Variants in GTF2F1 observed in about 807,000 individuals in gnomAD.
The protein encoded by GTF2F1 is general transcription factor IIF 74 kDa subunit.
A neutral mutation model predicts 63.5 loss-of-function variants in GTF2F1; 39 were observed. The observed-to-expected ratio is 0.61, with a 90% CI of 0.48 to 0.80. The LOEUF (loss-of-function observed/expected upper bound fraction) is 0.80. Among genes scored for constraint, GTF2F1 ranks in the 30% least tolerant of loss-of-function variants. GTF2F1 has a pLI of 0.00. For missense variants in GTF2F1, 657 were observed against 718.3 expected (o/e 0.91, Z 0.97); for synonymous variants, 287 against 285.3 (o/e 1.01, Z -0.06).
intron 5 of GTF2F1, chr19:6,387,146 C>T: frequency 2.0e-6 from 1 of 502,696 alleles, no homozygotes; most frequent in Non-Finnish European, 3.6e-6. Flanking sequence ...CCCCACCCTG[C>T]TCTGCCAATT....
At chr19:6,386,075 C>CA (rs1201236002) in intron 5 of GTF2F1, among the ~76,000 whole-genome samples, 6 of 151,252 alleles carry the variant, frequency 4.0e-5, no homozygotes, top group East Asian at 2.0e-4. Flanking sequence ...GATTCGGTCT[C>CA]AAAAAAACAA....
intron 5 of GTF2F1, among the ~76,000 whole-genome samples, chr19:6,384,366 G>C (rs2091966404): frequency 6.6e-6 from 1 of 151,666 alleles, no homozygotes; most frequent in Non-Finnish European, 1.5e-5. Context: ...AAATTAGCCG[G>C]GCGTGGTGGC....
At chr19:6,382,275 G>A (rs1411457267) in intron 6 of GTF2F1, among the ~76,000 whole-genome samples, 1 of 152,128 alleles carries the variant, frequency 6.6e-6, no homozygotes, top group Non-Finnish European at 1.5e-5. Context: ...AGGATGGCTT[G>A]AGCCCAGGAG....
At chr19:6,384,454 G>A (rs1459773138) in intron 5 of GTF2F1, among the ~76,000 whole-genome samples, 5 of 151,522 alleles carry the variant, frequency 3.3e-5, no homozygotes, top group Non-Finnish European at 7.4e-5. Context: ...GTTGCAGTAA[G>A]CTAAGATTGC....
rs1286419192 is a variant in GTF2F1, at chr19:6,381,201, G to T, written c.1019-6C>A. 2 of 1,605,042 alleles carry T rather than the reference G, an allele frequency of 1.2e-6. No individual in the cohort carries two copies. The highest frequency in any genetic ancestry group is 1.7e-6 in the Non-Finnish European group (2 of 1,176,466). On this transcript the variant is annotated splice_polypyrimidine_tract_variant and splice_region_variant and intron_variant, in intron 9 of 12. Transcript: ENST00000394456. This position sits in a 1 kb window ranked among gnomAD's most constrained non-coding sequence, Gnocchi z 4.1. ...GTCCGACTCCTCGCTGCTGTCTGCG[G>T]GGCACAGGAAAGGGGTCAGGGCCAG...
chr19:6,385,310 T>G (rs993731004), intron 5 of GTF2F1, among the ~76,000 whole-genome samples: 12 of 124,812 alleles, frequency 9.6e-5, no homozygotes, highest in Admixed American at 3.5e-4. Context: ...CAGAATCGCT[T>G]AAACCCAGGA....
Position 6,380,311 on chromosome 19 carries a change from G to C in GTF2F1, c.1524C>G (p.Asn508Lys). The C allele has an allele frequency of 1.2e-6, 2 of 1,614,122 alleles. No individual in the cohort carries two copies. Among genetic ancestry groups the C allele is most frequent in the Non-Finnish European group, 1.7e-6 (2 of 1,180,016 alleles). ...CCTTGAGGGAGAAGTGCATTTTGTCGTTGATCATCTTGCGCTCGGGGTTGA... is the reference window on the plus strand; with the variant it reads ...CCTTGAGGGAGAAGTGCATTTTGTCCTTGATCATCTTGCGCTCGGGGTTGA... ...KRLNPERKMI[N>K]DKMHFSLKE is the part of the protein sequence containing the mutation. Residue 508 changes from asparagine (N) to lysine (K), a missense_variant, in exon 13 of 13, where the codon AAC (asparagine) becomes AAG (lysine). Asn to Lys is a moderately conservative substitution (Grantham distance 94). Coordinates refer to ENST00000394456, the MANE Select transcript of GTF2F1 (RefSeq NM_002096.3). This position sits in a 1 kb window ranked among gnomAD's most constrained non-coding sequence, Gnocchi z 5.3.
Position 6,387,372 on chromosome 19 carries a change from C to G in GTF2F1, c.497+17G>C. On this transcript the variant is annotated intron_variant, in intron 5 of 12. Transcript: ENST00000394456. Reference sequence around the variant, plus strand: ...TTTCCCTCACTTCTGTCCCCAGCCACCACCCAGCCCACTCACCTCTCCCAC... The same window carrying G: ...TTTCCCTCACTTCTGTCCCCAGCCAGCACCCAGCCCACTCACCTCTCCCAC... 1 of 1,612,046 alleles carries G rather than the reference C, an allele frequency of 6.2e-7. No homozygotes were observed. Among genetic ancestry groups the G allele is most frequent in the Non-Finnish European group, 8.5e-7 (1 of 1,178,468 alleles).
chr19:6,380,906 T>C lies in GTF2F1; in HGVS notation c.1229A>G (p.Gln410Arg), dbSNP rs772698034. The change falls in exon 11 of 13, where the codon CAA becomes CGA. Residue 410 changes from glutamine (Q) to arginine (R), a missense_variant and splice_region_variant. Coordinates refer to ENST00000394456, the MANE Select transcript of GTF2F1 (RefSeq NM_002096.3). This position sits in a 1 kb window ranked among gnomAD's most constrained non-coding sequence, Gnocchi z 5.3. ...GCGGGGAGGCCACGGGCACTCACCTTGCTCGAGTTTGCTGGCAGCCGCCCG... is the reference window on the plus strand; with the variant it reads ...GCGGGGAGGCCACGGGCACTCACCTCGCTCGAGTTTGCTGGCAGCCGCCCG... ...TLRAAASKLE[Q>R]GKRVSEMPAA... 2 of 1,558,198 alleles carry C rather than the reference T, an allele frequency of 1.3e-6. No individual in the cohort carries two copies. Among genetic ancestry groups the C allele is most frequent in the South Asian group, 1.2e-5 (1 of 84,970 alleles).
At position 6,381,395 on chromosome 19, in the gene GTF2F1, T is replaced by C. The variant is rs1599209159; in HGVS notation, c.982A>G (p.Lys328Glu). 2 of 1,610,666 alleles carry C rather than the reference T, an allele frequency of 1.2e-6. No homozygotes were observed. Among genetic ancestry groups the C allele is most frequent in the South Asian group, 1.1e-5 (1 of 90,958 alleles). ...EEDKEEEEEKKAPTPQEKKRR... is the reference protein window; with the variant it reads ...EEDKEEEEEKEAPTPQEKKRR... ...TTCTTCTCCTGCGGGGTGGGTGCCTTCTTCTCCTCCTCCTCCTCCTTGTCC... is the reference window on the plus strand; with the variant it reads ...TTCTTCTCCTGCGGGGTGGGTGCCTCCTTCTCCTCCTCCTCCTCCTTGTCC... The change falls in exon 9 of 13, where the codon AAG (lysine) becomes GAG (glutamate). Residue 328 changes from lysine (K) to glutamate (E), a missense_variant. Around this residue, in one of 2 missense-constraint regions of GTF2F1, gnomAD observed 602 missense variants for 625.6 expected, o/e 0.96. Coordinates refer to ENST00000394456, the MANE Select transcript of GTF2F1 (RefSeq NM_002096.3). The surrounding 1 kb of genome is among the most constrained non-coding windows in gnomAD (Gnocchi z 4.1).
intron 6 of GTF2F1, among the ~76,000 whole-genome samples, chr19:6,382,643 A>C (rs2091957959): frequency 6.6e-6 from 1 of 151,014 alleles, no homozygotes; most frequent in African/African-American, 2.4e-5. Context: ...AAAAAAAAAA[A>C]AAAAATTAGC....
In GTF2F1 at chr19:6,391,931, C is replaced by T. The variant is rs1416347587; in HGVS notation, c.103G>A (p.Asp35Asn). The change falls in exon 3 of 13, where the codon GAC becomes AAC. Residue 35 changes from aspartate to asparagine, a missense_variant. Coordinates refer to ENST00000394456, the MANE Select transcript of GTF2F1 (RefSeq NM_002096.3). Reference sequence around the variant, plus strand: ...TTCCACGTAGCAAAGTTGACTTTGTCGGCTGCATTAAAAGCCATGATGTTA... The same window carrying T: ...TTCCACGTAGCAAAGTTGACTTTGTTGGCTGCATTAAAAGCCATGATGTTA... The part of the protein sequence containing the change: ...KYNIMAFNAA[D>N]KVNFATWNQA... 8 of 1,583,918 alleles carry T rather than the reference C, an allele frequency of 5.1e-6. No individual in the cohort carries two copies. Among genetic ancestry groups the T allele is most frequent in the Admixed American group, 1.8e-5 (1 of 55,238 alleles).
rs1182628478 is a variant in GTF2F1, at chr19:6,389,603, ATTTTCTTGTTGCTCAAG to A, written c.150_166del (p.Ser52ProfsTer13). 1 of 1,614,038 alleles carries A rather than the reference ATTTTCTTGTTGCTCAAG, an allele frequency of 6.2e-7. No homozygotes were observed. Among genetic ancestry groups the A allele is most frequent in the Admixed American group, 1.7e-5 (1 of 60,026 alleles). On this transcript the variant is annotated frameshift_variant, in exon 4 of 13. Transcript: ENST00000394456. LOFTEE classifies it high-confidence loss of function. Reference sequence around the variant, plus strand: ...TTCGGGCATCTCCTCCTCTTGGTAGATTTTCTTGTTGCTCAAGTCCCGCTCCAGCCGAGCCTAGGGGA... The same window carrying A: ...TTCGGGCATCTCCTCCTCTTGGTAGATCCCGCTCCAGCCGAGCCTAGGGGA...
Position 6,383,610 on chromosome 19 carries a change from C to G in GTF2F1, c.498-115G>C. The stretch of plus-strand genomic sequence containing the variant: ...ATAGCCTTCAAGGTGATGTGGCCCC[C>G]GGGGACTTGGGCTGTGGCACAGGAC... On this transcript the variant is annotated intron_variant, in intron 5 of 12. Transcript: ENST00000394456. This position sits in a 1 kb window ranked among gnomAD's most constrained non-coding sequence, Gnocchi z 4.5. The G allele has an allele frequency of 2.7e-6, 3 of 1,113,948 alleles. No homozygotes were observed. Among genetic ancestry groups the G allele is most frequent in the Non-Finnish European group, 3.9e-6 (3 of 774,252 alleles). The allele number at this position is 1,113,948 out of a possible 1,614,324, so 69.0% of individuals were successfully genotyped here.
intron 3 of GTF2F1, 100 bp downstream of exon 3, chr19:6,391,802 C>T (rs1195022390): frequency 1.6e-6 from 1 of 643,704 alleles, no homozygotes; most frequent in Non-Finnish European, 2.8e-6. Context: ...AAAATTAAGA[C>T]TTAGTGACTA....
chr19:6,383,651 G>A lies in GTF2F1; in HGVS notation c.498-156C>T, dbSNP rs138877980. On this transcript the variant is annotated intron_variant, in intron 5 of 12. Coordinates refer to ENST00000394456, the MANE Select transcript of GTF2F1 (RefSeq NM_002096.3). The surrounding 1 kb of genome is among the most constrained non-coding windows in gnomAD (Gnocchi z 4.5). ...GGCACAGGACTCCCTGAAACCACAC[G>A]GATAGAGCCAGCCCTTCCTGCCTTC... Among the ~76,000 whole-genome samples the A allele has an allele frequency of 2.8e-3, 431 of 152,306 alleles. 4 individuals carry two copies. The highest frequency in any genetic ancestry group is 9.9e-3 in the African/African-American group (412 of 41,562).
chr19:6,382,360 G>A (rs1385047634), intron 6 of GTF2F1, among the ~76,000 whole-genome samples: 1 of 152,020 alleles, frequency 6.6e-6, no homozygotes, highest in East Asian at 1.9e-4. Flanking sequence ...GGCCGGGCGT[G>A]GTGGCTCACG....
rs1007332239 is a variant in GTF2F1 at position 6,380,659 on chromosome 19, C to T, written c.1263G>A (p.Lys421=). The stretch of plus-strand genomic sequence containing the variant: ...GGGGTCCCGTGTCCAGCCGCAACCG[C>T]TTGGCTGCAGGCATCTCGCTCACCC... ...GKRVSEMPAA[K]RLRLDTGPQS... Residue 421 remains lysine (K), a synonymous_variant, in exon 12 of 13, where the codon AAG becomes AAA. Transcript: ENST00000394456. The surrounding 1 kb of genome is among the most constrained non-coding windows in gnomAD (Gnocchi z 5.3). The T allele has an allele frequency of 8.1e-6, 13 of 1,613,274 alleles. No homozygotes were observed. Among genetic ancestry groups the T allele is most frequent in the Non-Finnish European group, 1.0e-5 (12 of 1,180,006 alleles).
chr19:6,391,439 G>GTTTTTTTTTTTTTTTTTTTTT (rs11340944), intron 3 of GTF2F1, among the ~76,000 whole-genome samples: 2 of 87,418 alleles, frequency 2.3e-5, no homozygotes, highest in African/African-American at 6.6e-5. Context: ...TGCCATTTCC[G>GTTTTTTTTTTTTTTTTTTTTT]TTTTTTTTTT....
Sources: gnomAD v4.1 joint callset for allele counts (sites outside exome capture counted in the v4.1 genomes callset) on GRCh38, gnomAD v4.1.1 for gene constraint, gnomAD v4.1.1 regional missense constraint, Gnocchi (gnomAD v3.1) non-coding constraint, MANE v1.5 for transcripts, NCBI Gene and HGNC (gene_info 2026-07-23, HGNC 2026-07-21) for gene names.